CTNNA1: variants seen among roughly 807,000 people sequenced by gnomAD.
CTNNA1 encodes the protein catenin alpha-1.
A neutral mutation model predicts 98.4 loss-of-function variants in CTNNA1; 37 were observed. The observed-to-expected ratio is 0.38, with a 90% confidence interval of 0.29 to 0.49. CTNNA1 has a LOEUF of 0.49. Among genes scored for constraint, CTNNA1 ranks in the 20% least tolerant of loss-of-function variants. The pLI is 0.95. For missense variants in CTNNA1, 761 were observed against 1,147.2 expected (o/e 0.66, Z 4.86); for synonymous variants, 404 against 413.2 (o/e 0.98, Z 0.27).
intron 3 of CTNNA1, among the ~76,000 whole-genome samples, chr5:138,795,962 C>T (rs1332401914): frequency 1.3e-5 from 2 of 152,070 alleles, no homozygotes; most frequent in Non-Finnish European, 2.9e-5. Context: ...AATATGCTCA[C>T]GTGGGTAGAG....
chr5:138,835,909 G>A (rs1424591008), intron 7 of CTNNA1, among the ~76,000 whole-genome samples: 4 of 152,080 alleles, frequency 2.6e-5, no homozygotes, highest in Admixed American at 6.5e-5. Context: ...GCACTGGTAC[G>A]ATCACAGCTC....
At chr5:138,861,573 A>G (rs972407456) in intron 7 of CTNNA1, among the ~76,000 whole-genome samples, 1 of 152,184 alleles carries the variant, frequency 6.6e-6, no homozygotes, top group Non-Finnish European at 1.5e-5. Context: ...CCCAATTCAC[A>G]TTCCCCACTC....
intron 7 of CTNNA1, among the ~76,000 whole-genome samples, chr5:138,848,241 G>A (rs1366024700): frequency 6.6e-6 from 1 of 152,228 alleles, no homozygotes; most frequent in Non-Finnish European, 1.5e-5. Context: ...TGGGAACTGG[G>A]GATGATAATG....
At chr5:138,814,798 C>T (rs186941156) in intron 5 of CTNNA1, among the ~76,000 whole-genome samples, 111 of 151,864 alleles carry the variant, frequency 7.3e-4, no homozygotes, top group African/African-American at 2.5e-3. Flanking sequence ...CTGTCGCCCA[C>T]GCTGGAGTGC....
intron 7 of CTNNA1, among the ~76,000 whole-genome samples, chr5:138,847,993 C>T (rs1211146994): frequency 1.3e-5 from 2 of 152,312 alleles, no homozygotes; most frequent in East Asian, 3.9e-4. Context: ...TCTTTAAGTT[C>T]TTCTTTACCT....
At chr5:138,888,316 G>A (rs1243550885) in intron 9 of CTNNA1, among the ~76,000 whole-genome samples, 4 of 152,098 alleles carry the variant, frequency 2.6e-5, no homozygotes, top group African/African-American at 9.7e-5. Flanking sequence ...CTGAAATTAT[G>A]TTACTTAATT....
At chr5:138,932,343 A>G (rs1455169347) in intron 16 of CTNNA1, 7 of 1,350,506 alleles carry the variant, frequency 5.2e-6, no homozygotes, top group African/African-American at 4.4e-5. Flanking sequence ...CTATACAACC[A>G]GTGCCATGCG....
At chr5:138,858,327 A>T (rs1286393563) in intron 7 of CTNNA1, among the ~76,000 whole-genome samples, 1 of 151,452 alleles carries the variant, frequency 6.6e-6, no homozygotes, top group Admixed American at 6.6e-5. Flanking sequence ...GGGTCTTGCC[A>T]TGTTGCCCAG....
At chr5:138,799,545 G>C (rs79003713) in intron 3 of CTNNA1, among the ~76,000 whole-genome samples, 1 of 151,916 alleles carries the variant, frequency 6.6e-6, no homozygotes, top group African/African-American at 2.4e-5. Flanking sequence ...ATTTTTTTAA[G>C]CAAGGTTTTG....
At chr5:138,759,516 C>T (rs186125520) in intron 1 of CTNNA1, among the ~76,000 whole-genome samples, 169 of 152,224 alleles carry the variant, frequency 1.1e-3, no homozygotes, top group African/African-American at 3.8e-3. Flanking sequence ...GCCCTTGGCC[C>T]ATTAAATTTC....
At chr5:138,886,393 A>G (rs1053703195) in intron 8 of CTNNA1, 101 bp downstream of exon 8, 5 of 1,258,110 alleles carry the variant, frequency 4.0e-6, no homozygotes, top group Non-Finnish European at 5.5e-6. Flanking sequence ...TTATTGAGAG[A>G]AAGGATGGAT....
intron 3 of CTNNA1, among the ~76,000 whole-genome samples, chr5:138,796,127 G>A (rs1338624731): frequency 1.3e-5 from 2 of 152,040 alleles, no homozygotes; most frequent in Non-Finnish European, 2.9e-5. Flanking sequence ...TTTTATACCA[G>A]CAAACTAAAG....
intron 5 of CTNNA1, among the ~76,000 whole-genome samples, chr5:138,814,034 A>G (rs1417031497): frequency 6.6e-6 from 1 of 152,218 alleles, no homozygotes. Flanking sequence ...ATTCAAATAA[A>G]TAATATATGT....
chr5:138,814,562 A>G (rs1265849876), intron 5 of CTNNA1, among the ~76,000 whole-genome samples: 1 of 152,202 alleles, frequency 6.6e-6, no homozygotes, highest in Non-Finnish European at 1.5e-5. Flanking sequence ...GTTTGATACA[A>G]ATTCTCTTTT....
At position 138,846,012 on chromosome 5, in the gene CTNNA1, C is replaced by T. The variant is rs1162650433; in HGVS notation, c.1062+18294C>T. On this transcript the variant is annotated intron_variant, in intron 7 of 17. Transcript: ENST00000302763. ...CGCGATCACGGCTCACTGCAACCTC[C>T]GCCCCCTAGGTTCAAGCGATTCTCC... 2.6e-5 allele frequency among the ~76,000 whole-genome samples: 4 copies of T among 152,060 alleles called. No homozygotes were observed. The East Asian group carries it at 5.8e-4, about 22-fold the overall frequency.
At chr5:138,856,091 C>A (rs1763699834) in intron 7 of CTNNA1, among the ~76,000 whole-genome samples, 2 of 152,116 alleles carry the variant, frequency 1.3e-5, no homozygotes, top group South Asian at 4.1e-4. Flanking sequence ...CATTTCTTAG[C>A]TTTAATTTCT....
At chr5:138,780,943 A>G (rs1385644586) in intron 1 of CTNNA1, among the ~76,000 whole-genome samples, 1 of 80,034 alleles carries the variant, frequency 1.2e-5, no homozygotes, top group Non-Finnish European at 2.8e-5. Context: ...AGAAGAAAAG[A>G]CTAACTGTTA....
chr5:138,799,439 C>T (rs534194971), intron 3 of CTNNA1, among the ~76,000 whole-genome samples: 2 of 152,184 alleles, frequency 1.3e-5, no homozygotes, highest in East Asian at 3.9e-4. Context: ...GGATTACAGG[C>T]GTGACCACCA....
chr5:138,896,437 C>G, intron 9 of CTNNA1, among the ~76,000 whole-genome samples: 1 of 152,142 alleles, frequency 6.6e-6, no homozygotes, highest in East Asian at 1.9e-4. Flanking sequence ...CATGAGATCT[C>G]TCTTAACTGT....
Sources: gnomAD v4.1 joint callset for allele counts (sites outside exome capture counted in the v4.1 genomes callset) on GRCh38, gnomAD v4.1.1 for gene constraint, MANE v1.5 for transcripts, NCBI Gene and HGNC (gene_info 2026-07-23, HGNC 2026-07-21) for gene names.